Variants in DCLK1 observed in about 807,000 individuals in gnomAD.
The protein encoded by DCLK1 is doublecortin like kinase 1, also known as serine/threonine-protein kinase DCLK1.
A neutral mutation model predicts 86.2 loss-of-function variants in DCLK1; 16 were observed. The ratio of observed to expected loss-of-function variants is 0.19; its 90% CI spans 0.13 to 0.28. The LOEUF (loss-of-function observed/expected upper bound fraction) is 0.28. DCLK1 is among the 10% of genes least tolerant of loss of function. The pLI is 1.00. For synonymous variants in DCLK1, 369 were observed against 370.5 expected, an observed-to-expected ratio of 1.00 and a Z score of 0.05; for missense variants, 590 against 940.2, an observed-to-expected ratio of 0.63 and a Z score of 4.87.
chr13:35,817,476 G>T (rs1263300465), intron 11 of DCLK1, among the ~76,000 whole-genome samples: 3 of 152,134 alleles, frequency 2.0e-5, no homozygotes, highest in Non-Finnish European at 2.9e-5. Context: ...AAATTTCAAA[G>T]AAATTAGATT....
Position 35,876,741 on chromosome 13 carries a change from ACATGGGGG to A in DCLK1, c.824-5409_824-5402del, listed in dbSNP as rs1280870711. Reference sequence around the variant, plus strand: ...AGCAGTGCCTTCCATTCCCCCTCTCACATGGGGGCATTTGCCTTTGGGGGCCATCACTT... The same window carrying A: ...AGCAGTGCCTTCCATTCCCCCTCTCACATTTGCCTTTGGGGGCCATCACTT... On this transcript the variant is annotated intron_variant, in intron 4 of 16. Coordinates refer to ENST00000360631, the MANE Select transcript of DCLK1 (RefSeq NM_001330071.2). Among the ~76,000 whole-genome samples the A allele has an allele frequency of 1.4e-4, 21 of 152,232 alleles. No homozygotes were observed. The South Asian group carries it at 4.1e-3, about 30-fold the overall frequency.
intron 2 of DCLK1, among the ~76,000 whole-genome samples, chr13:36,122,602 T>C (rs1166552289): frequency 1.3e-5 from 2 of 152,076 alleles, no homozygotes; most frequent in Admixed American, 6.5e-5. Context: ...CTACCTACAG[T>C]AGAATATAGA....
chr13:35,969,433 C>T (rs944499838), intron 3 of DCLK1, among the ~76,000 whole-genome samples: 2 of 152,196 alleles, frequency 1.3e-5, no homozygotes, highest in African/African-American at 4.8e-5. Context: ...GCCAAGGATA[C>T]TTGGAGCCAC....
intron 4 of DCLK1, among the ~76,000 whole-genome samples, chr13:35,878,174 C>T (rs775954511): frequency 2.0e-5 from 3 of 152,216 alleles, no homozygotes; most frequent in Non-Finnish European, 4.4e-5. Flanking sequence ...AGCTTGTCTG[C>T]CTGGTTGAGC....
At chr13:36,022,574 A>T (rs1037290407) in intron 3 of DCLK1, among the ~76,000 whole-genome samples, 1 of 152,142 alleles carries the variant, frequency 6.6e-6, no homozygotes, top group Non-Finnish European at 1.5e-5. Context: ...GATGAAGAGT[A>T]AAAGAGGGGT....
Position 35,899,362 on chromosome 13 carries a change from TGTGTGTGAGAGA to T in DCLK1, c.824-28034_824-28023del, listed in dbSNP as rs200824036. ...AAGTGTGTGTGTGTGTGTGTGTGTG[TGTGTGTGAGAGA>T]GAGAGAGAGAGAGAGAAAGAAGACA... On this transcript the variant is annotated intron_variant, in intron 4 of 16. Coordinates refer to ENST00000360631, the MANE Select transcript of DCLK1 (RefSeq NM_001330071.2). Among the ~76,000 whole-genome samples the T allele has an allele frequency of 9.5e-3, 879 of 92,644 alleles. 30 individuals are homozygous for T. In the East Asian group the frequency reaches 0.13, roughly 14 times the overall value. The allele number at this position is 92,644 out of a possible 152,430, so 60.8% of individuals were successfully genotyped here.
chr13:36,043,113 G>A (rs564031033), intron 3 of DCLK1, among the ~76,000 whole-genome samples: 3 of 152,094 alleles, frequency 2.0e-5, no homozygotes, highest in African/African-American at 7.2e-5. Context: ...AAAAATTCTT[G>A]AACTTCCTTT....
chr13:35,945,513 G>T (rs952527408), intron 4 of DCLK1, among the ~76,000 whole-genome samples: 1 of 152,172 alleles, frequency 6.6e-6, no homozygotes, highest in Non-Finnish European at 1.5e-5. Context: ...GTTTGAAAAA[G>T]ACATGTATTC....
At chr13:35,853,778 G>A (rs1870838436) in intron 6 of DCLK1, among the ~76,000 whole-genome samples, 1 of 151,978 alleles carries the variant, frequency 6.6e-6, no homozygotes, top group East Asian at 1.9e-4. Context: ...TTCCGTTTTT[G>A]GCATTGTACC....
At chr13:36,104,099 C>T (rs186903350) in intron 3 of DCLK1, among the ~76,000 whole-genome samples, 51 of 152,314 alleles carry the variant, frequency 3.3e-4, no homozygotes, top group African/African-American at 1.2e-3. Flanking sequence ...CATCATGGTG[C>T]GGTGTGCATG....
chr13:35,831,109 G>A (rs565869515), intron 8 of DCLK1, among the ~76,000 whole-genome samples: 1 of 152,282 alleles, frequency 6.6e-6, no homozygotes, highest in East Asian at 1.9e-4. Context: ...GGGCTTACTA[G>A]GAACAAAGAC....
intron 3 of DCLK1, among the ~76,000 whole-genome samples, chr13:36,098,116 A>T (rs1371155116): frequency 6.6e-6 from 1 of 152,190 alleles, no homozygotes; most frequent in African/African-American, 2.4e-5. Flanking sequence ...ACTAGCTGCT[A>T]TTCTACATTT....
chr13:35,827,876 CTG>C, intron 9 of DCLK1, 122 bp from the exon 10 acceptor site: 1 of 1,177,378 alleles, frequency 8.5e-7, no homozygotes, highest in Non-Finnish European at 1.2e-6. Flanking sequence ...TGTAATAAGC[CTG>C]TCTTATATTC....
rs531790653 is a variant in DCLK1 at position 35,950,502 on chromosome 13, T to C, written c.724-3045A>G. The stretch of plus-strand genomic sequence containing the variant: ...ACAATAATCTGATTTTATTTATCTA[T>C]GCAGTGTTACTCCTTTTGAAACCTG... On this transcript the variant is annotated intron_variant, in intron 3 of 16. Transcript: ENST00000360631. Among the ~76,000 whole-genome samples, 8 of 152,344 alleles carry C rather than the reference T, an allele frequency of 5.3e-5. No homozygotes were observed. In the East Asian group the frequency reaches 1.2e-3, roughly 22 times the overall value.
At chr13:35,840,493 A>T (rs564543132) in intron 6 of DCLK1, among the ~76,000 whole-genome samples, 2 of 152,338 alleles carry the variant, frequency 1.3e-5, no homozygotes, top group Non-Finnish European at 2.9e-5. Context: ...GATGAAAGTT[A>T]AAGTAATAGC....
rs1011170929 is a variant in DCLK1 at position 35,980,035 on chromosome 13, C to T, written c.724-32578G>A. On this transcript the variant is annotated intron_variant, in intron 3 of 16. Coordinates refer to ENST00000360631, the MANE Select transcript of DCLK1 (RefSeq NM_001330071.2). ...ATACACATAACATAAAGATCTCCTG[C>T]CTTAAACCATTTTTGAGTGTACAGT... Among the ~76,000 whole-genome samples the T allele has an allele frequency of 2.6e-5, 4 of 152,196 alleles. No homozygotes were observed. The East Asian group carries it at 7.7e-4, about 29-fold the overall frequency.
chr13:36,110,803 C>A (rs1885585969), intron 3 of DCLK1, among the ~76,000 whole-genome samples: 1 of 150,718 alleles, frequency 6.6e-6, no homozygotes, highest in Non-Finnish European at 1.5e-5. Flanking sequence ...GAATGACTAG[C>A]AAATCATGCT....
At chr13:35,921,073 C>T (rs1252588158) in intron 4 of DCLK1, among the ~76,000 whole-genome samples, 1 of 152,140 alleles carries the variant, frequency 6.6e-6, no homozygotes, top group Non-Finnish European at 1.5e-5. Flanking sequence ...CCCTGGGTCC[C>T]TCCAATCCAT....
chr13:35,865,173 A>C (rs1871699551), intron 5 of DCLK1, among the ~76,000 whole-genome samples: 1 of 150,282 alleles, frequency 6.7e-6, no homozygotes, highest in East Asian at 2.0e-4. Context: ...TGTGTAGATA[A>C]AAAAAATTGC....
Sources: allele counts gnomAD v4.1 joint callset (sites outside exome capture counted in the v4.1 genomes callset), GRCh38; gene constraint gnomAD v4.1.1; transcripts MANE v1.5; gene names NCBI Gene and HGNC (gene_info 2026-07-23, HGNC 2026-07-21).